PTPDC1: variants seen among roughly 807,000 people sequenced by gnomAD.
PTPDC1 encodes the protein protein tyrosine phosphatase domain-containing protein 1.
A neutral mutation model predicts 75.3 loss-of-function variants in PTPDC1; 53 were observed. That is an observed-to-expected ratio of 0.70 (90% CI 0.56 to 0.88). The LOEUF (loss-of-function observed/expected upper bound fraction) is 0.88. Ranked by LOEUF, PTPDC1 falls within the 40% of genes least tolerant of loss-of-function variation. The pLI is 0.00. For synonymous variants in PTPDC1, 349 were observed against 366.2 expected (o/e 0.95, Z 0.54); for missense variants, 925 against 998.6 (o/e 0.93, Z 0.99).
At chr9:94,032,540 A>G (rs1212968686) in intron 1 of PTPDC1, among the ~76,000 whole-genome samples, 1 of 152,164 alleles carries the variant, frequency 6.6e-6, no homozygotes, top group Non-Finnish European at 1.5e-5. Context: ...TTTAGGAGAC[A>G]GCACCCTATC....
intron 2 of PTPDC1, among the ~76,000 whole-genome samples, chr9:94,070,076 G>A (rs1166155380): frequency 6.7e-6 from 1 of 150,082 alleles, no homozygotes; most frequent in East Asian, 2.0e-4. Context: ...GCCCGCCTCT[G>A]CCTCCCAAAG....
At chr9:94,073,901 TG>T (rs1267685564) in intron 2 of PTPDC1, among the ~76,000 whole-genome samples, 2 of 152,216 alleles carry the variant, frequency 1.3e-5, no homozygotes, top group African/African-American at 4.8e-5. Context: ...TTTTTCCTGC[TG>T]TCTTTCTGTT....
intron 1 of PTPDC1, among the ~76,000 whole-genome samples, chr9:94,062,530 G>C (rs577395120): frequency 4.1e-4 from 62 of 152,262 alleles, no homozygotes; most frequent in Non-Finnish European, 7.4e-4. Context: ...AGGTCTGATT[G>C]CCTCATGGTT....
At chr9:94,076,390 T>C (rs1327382211) in intron 2 of PTPDC1, among the ~76,000 whole-genome samples, 1 of 152,226 alleles carries the variant, frequency 6.6e-6, no homozygotes, top group Non-Finnish European at 1.5e-5. Flanking sequence ...TTTCTGTCTC[T>C]ATAGATTTCA....
chr9:94,080,980 T>C (rs1826858898), upstream of PTPDC1, among the ~76,000 whole-genome samples: 1 of 140,898 alleles, frequency 7.1e-6, no homozygotes. Context: ...TATTCTTTTT[T>C]TCTTTTTCTT....
intron 2 of PTPDC1, among the ~76,000 whole-genome samples, chr9:94,078,814 A>G (rs1406323243): frequency 2.0e-5 from 3 of 152,028 alleles, no homozygotes; most frequent in Admixed American, 6.6e-5. Context: ...CTGAATTTCC[A>G]TTTGCTTCCT....
chr9:94,074,698 G>T (rs916034006), intron 2 of PTPDC1, among the ~76,000 whole-genome samples: 2 of 152,138 alleles, frequency 1.3e-5, no homozygotes, highest in African/African-American at 4.8e-5. Context: ...CTGCTTCATT[G>T]ATGGCAAATG....
upstream of PTPDC1, chr9:94,084,326 G>A (rs1032417242): frequency 5.9e-6 from 3 of 512,364 alleles, no homozygotes; most frequent in Admixed American, 1.2e-4. Flanking sequence ...TGTCCAAAAT[G>A]CAATCTGTTC....
At chr9:94,040,807 A>G (rs1271608250) in intron 1 of PTPDC1, among the ~76,000 whole-genome samples, 1 of 152,202 alleles carries the variant, frequency 6.6e-6, no homozygotes, top group Non-Finnish European at 1.5e-5. Context: ...TAATGCCAAC[A>G]CATATCTTTT....
intron 4 of PTPDC1, among the ~76,000 whole-genome samples, chr9:94,092,445 G>A (rs1827363828): frequency 7.1e-6 from 1 of 141,696 alleles, no homozygotes; most frequent in Admixed American, 7.1e-5. Context: ...TGTGGTCTGA[G>A]AGATAGTTTG....
chr9:94,085,212 G>T (rs1172981741), intron 1 of PTPDC1, 39 bp from the exon 2 acceptor site: 2 of 1,559,748 alleles, frequency 1.3e-6, no homozygotes, highest in African/African-American at 1.4e-5. Context: ...TTCATTTGGA[G>T]AGTGGAATTT....
chr9:94,104,124 T>G lies in PTPDC1; in HGVS notation c.2200-151T>G, dbSNP rs542666318. On this transcript the variant is annotated intron_variant, in intron 7 of 8. Coordinates refer to ENST00000620992, the MANE Select transcript of PTPDC1 (RefSeq NM_001253829.2). ...ATATTAACACATAACAATAAACATTTGTTGATGTTTAGATATTTTGTTAGA... is the reference window on the plus strand; with the variant it reads ...ATATTAACACATAACAATAAACATTGGTTGATGTTTAGATATTTTGTTAGA... The G allele has an allele frequency of 9.8e-5, 54 of 548,962 alleles. No homozygotes were observed. In the South Asian group the frequency reaches 1.4e-3, roughly 14 times the overall value. The allele number at this position is 548,962 out of a possible 1,614,324, so 34.0% of individuals were successfully genotyped here. A position where few individuals can be genotyped will look rare whatever the true frequency, so the allele number is the denominator to read the frequency against.
At chr9:94,092,502 C>A (rs1304018952) in intron 4 of PTPDC1, among the ~76,000 whole-genome samples, 9 of 147,166 alleles carry the variant, frequency 6.1e-5, no homozygotes, top group East Asian at 2.0e-4. Context: ...CTTTACTTCC[C>A]AGTATGTGGT....
At chr9:94,055,057 C>G (rs1410935995) in intron 1 of PTPDC1, among the ~76,000 whole-genome samples, 1 of 152,112 alleles carries the variant, frequency 6.6e-6, no homozygotes, top group Non-Finnish European at 1.5e-5. Flanking sequence ...ATTATGTTGC[C>G]TAGTTCATGA....
At chr9:94,101,436 TC>T in intron 6 of PTPDC1, 129 bp from the exon 7 acceptor site, 1 of 632,086 alleles carries the variant, frequency 1.6e-6, no homozygotes, top group Non-Finnish European at 2.7e-6. Flanking sequence ...GGGTCCCAGT[TC>T]TGCACTCTGG....
intron 1 of PTPDC1, among the ~76,000 whole-genome samples, chr9:94,048,190 G>C (rs1003700752): frequency 2.0e-5 from 3 of 152,042 alleles, no homozygotes; most frequent in African/African-American, 7.2e-5. Flanking sequence ...AGGGTTTTTT[G>C]TGTCTCTATT....
intron 1 of PTPDC1, among the ~76,000 whole-genome samples, chr9:94,035,252 T>C (rs1169961817): frequency 6.6e-6 from 1 of 152,196 alleles, no homozygotes; most frequent in Admixed American, 6.5e-5. Context: ...CACTGTGCAA[T>C]AGATCTCAAT....
rs554453399 is a variant in PTPDC1 at position 94,042,521 on chromosome 9, AT to A, written c.-7+11395del. On this transcript the variant is annotated intron_variant, in intron 1 of 9. Transcript: ENST00000375360. ...TGCAGTAGCATTAGGTCTAAAAAAA[AT>A]AATGTATATACGTTAATTTTAAAAT... Among the ~76,000 whole-genome samples, 621 of 152,310 alleles carry A rather than the reference AT, an allele frequency of 4.1e-3. 1 individual carries two copies. The highest frequency in any genetic ancestry group is 6.9e-3 in the Non-Finnish European group (469 of 68,022).
chr9:94,081,528 T>TA (rs1011800405), upstream of PTPDC1, among the ~76,000 whole-genome samples: 2 of 151,412 alleles, frequency 1.3e-5, no homozygotes, highest in African/African-American at 2.4e-5. Context: ...GTGCTGTCTT[T>TA]AAAAAAAAAT....
Sources: gnomAD v4.1 joint callset for allele counts (sites outside exome capture counted in the v4.1 genomes callset) on GRCh38, gnomAD v4.1.1 for gene constraint, MANE v1.5 for transcripts, NCBI Gene and HGNC (gene_info 2026-07-23, HGNC 2026-07-21) for gene names.